ITPRID1: variants seen among roughly 807,000 people sequenced by gnomAD.
The protein encoded by ITPRID1 is ITPR interacting domain containing 1.
In ITPRID1, 96 loss-of-function variants were observed where a neutral mutation model predicts 95.4. The observed-to-expected ratio is 1.01, with a 90% CI of 0.85 to 1.19. The LOEUF (loss-of-function observed/expected upper bound fraction) is 1.19, where lower values mean the gene tolerates loss of function less well. Among genes scored for constraint, ITPRID1 ranks in the 50% most tolerant of loss-of-function variants. The pLI is 0.00. For missense variants in ITPRID1, 1,339 were observed against 1,252.9 expected (o/e 1.07, Z -1.04); for synonymous variants, 510 against 453.6 (o/e 1.12, Z -1.58).
chr7:31,643,036 C>A lies in ITPRID1; in HGVS notation c.1666C>A (p.Pro556Thr). ...MPHAEYEVTR[P>T]TATSKYDHPL... is the part of the protein sequence containing the mutation. The stretch of plus-strand genomic sequence containing the variant: ...CCATGCTGAGTATGAGGTCACCAGA[C>A]CCACAGCCACTTCCAAATATGATCA... The change falls in exon 12 of 15, where the codon CCC (proline) becomes ACC (threonine). Residue 556 changes from proline (P) to threonine (T), a missense_variant. Pro to Thr is a conservative substitution (Grantham distance 38, BLOSUM62 -1). Coordinates refer to ENST00000615280, the MANE Select transcript of ITPRID1 (RefSeq NM_001257967.3). 6.2e-7 allele frequency: 1 copy of A among 1,614,012 alleles called. No homozygotes were observed.
intron 13 of ITPRID1, 71 bp from the exon 14 acceptor site, chr7:31,651,868 T>C (rs937396838): frequency 9.8e-5 from 102 of 1,036,622 alleles, no homozygotes; most frequent in Middle Eastern, 5.3e-4. Flanking sequence ...ACCTATATTA[T>C]GAGGTGACAA....
chr7:31,518,740 A>T (rs1056824632), intron 1 of ITPRID1, among the ~76,000 whole-genome samples: 1 of 152,188 alleles, frequency 6.6e-6, no homozygotes, highest in African/African-American at 2.4e-5. Flanking sequence ...TTATCCTTGT[A>T]TTTTATTCTT....
chr7:31,546,907 G>A (rs1386574338), intron 1 of ITPRID1, among the ~76,000 whole-genome samples: 1 of 152,060 alleles, frequency 6.6e-6, no homozygotes, highest in Admixed American at 6.6e-5. Context: ...TAGGATTGAG[G>A]TATAGATCAC....
chr7:31,535,631 CT>C (rs1783734423), intron 1 of ITPRID1, among the ~76,000 whole-genome samples: 1 of 151,952 alleles, frequency 6.6e-6, no homozygotes, highest in African/African-American at 2.4e-5. Context: ...TTTAAAAGCA[CT>C]TTCTTTTGTA....
chr7:31,584,745 G>A (rs1785525853), intron 10 of ITPRID1, among the ~76,000 whole-genome samples: 1 of 152,128 alleles, frequency 6.6e-6, no homozygotes, highest in African/African-American at 2.4e-5. Context: ...TTCAATTAAT[G>A]GGAAAAGGAA....
intron 3 of ITPRID1, 38 bp downstream of exon 3, chr7:31,553,225 C>T (rs1227647340): frequency 6.6e-7 from 1 of 1,526,170 alleles, no homozygotes; most frequent in South Asian, 1.2e-5. Context: ...AAACATTCCT[C>T]TGTGAGTGGT....
chr7:31,623,491 C>A (rs1338875420), intron 10 of ITPRID1, among the ~76,000 whole-genome samples: 2 of 150,936 alleles, frequency 1.3e-5, no homozygotes, highest in Non-Finnish European at 1.5e-5. Flanking sequence ...TAAACAGAAC[C>A]AAAGACAAAA....
At chr7:31,601,992 A>G (rs1418759901) in intron 10 of ITPRID1, among the ~76,000 whole-genome samples, 2 of 151,824 alleles carry the variant, frequency 1.3e-5, no homozygotes, top group Admixed American at 6.6e-5. Context: ...ATATTTCTCC[A>G]TAATGTAGTC....
At chr7:31,648,673 C>T (rs1389877138) in intron 12 of ITPRID1, among the ~76,000 whole-genome samples, 1 of 152,190 alleles carries the variant, frequency 6.6e-6, no homozygotes, top group Non-Finnish European at 1.5e-5. Context: ...CACTACACTT[C>T]CATGATCCTG....
rs757847025 is a variant in ITPRID1 at position 31,652,606 on chromosome 7, C to T, written c.2912C>T (p.Ser971Leu). Reference protein sequence around the residue: ...NWIEESNGQTSCSKIHPGMAP... With the variant: ...NWIEESNGQTLCSKIHPGMAP... ...ATAGAAGAAAGCAATGGGCAGACTT[C>T]ATGTTCTAAAATCCACCCAGGCATG... The change falls in exon 15 of 15, where the codon TCA becomes TTA. Residue 971 changes from serine (S) to leucine (L), a missense_variant. Ser to Leu is a moderately radical substitution (Grantham distance 145). Transcript: ENST00000615280. 2 of 1,613,378 alleles carry T rather than the reference C, an allele frequency of 1.2e-6. No individual in the cohort carries two copies. Among genetic ancestry groups the T allele is most frequent in the Non-Finnish European group, 1.7e-6 (2 of 1,179,666 alleles).
At chr7:31,657,261 T>C (rs1330279761), downstream of ITPRID1, among the ~76,000 whole-genome samples, 3 of 126,510 alleles carry the variant, frequency 2.4e-5, 1 homozygote, top group South Asian at 5.5e-4. Flanking sequence ...TCTGATTTCC[T>C]GATTTGTTAA....
At chr7:31,632,381 G>T (rs551981717) in intron 10 of ITPRID1, among the ~76,000 whole-genome samples, 66 of 152,246 alleles carry the variant, frequency 4.3e-4, no homozygotes, top group South Asian at 1.7e-3. Context: ...CCGGGAGGCA[G>T]AGTTGCAATG....
intron 10 of ITPRID1, among the ~76,000 whole-genome samples, chr7:31,627,956 G>A (rs1788627575): frequency 6.6e-6 from 1 of 152,146 alleles, no homozygotes; most frequent in Non-Finnish European, 1.5e-5. Flanking sequence ...TTAGAAAGGG[G>A]CTATTTACTG....
At chr7:31,615,150 G>A (rs1439638816) in intron 10 of ITPRID1, among the ~76,000 whole-genome samples, 1 of 152,050 alleles carries the variant, frequency 6.6e-6, no homozygotes. Flanking sequence ...TAGAAACAAG[G>A]GTGATCTAGG....
chr7:31,561,796 C>T (rs987616982), intron 5 of ITPRID1, among the ~76,000 whole-genome samples: 1 of 152,162 alleles, frequency 6.6e-6, no homozygotes, highest in Non-Finnish European at 1.5e-5. Context: ...CTAAGAACTA[C>T]CACCTCTGTG....
At chr7:31,521,674 CCTT>C (rs1406305307) in intron 1 of ITPRID1, among the ~76,000 whole-genome samples, 2 of 126,740 alleles carry the variant, frequency 1.6e-5, no homozygotes, top group African/African-American at 6.0e-5. Context: ...TTCCTTCCTT[CCTT>C]CCTTCCTTCC....
At chr7:31,518,796 A>G (rs551526067) in intron 1 of ITPRID1, among the ~76,000 whole-genome samples, 126 of 152,320 alleles carry the variant, frequency 8.3e-4, no homozygotes, top group Middle Eastern at 3.4e-3. Flanking sequence ...GTAAATTTGC[A>G]AGGACAAATT....
intron 2 of ITPRID1, chr7:31,551,959 A>T (rs1453468386): frequency 1.5e-5 from 6 of 407,642 alleles, no homozygotes; most frequent in Non-Finnish European, 3.0e-5. Context: ...TCACTTTGCT[A>T]TTTTAGTTTG....
At chr7:31,579,524 C>G (rs1785318207) in intron 9 of ITPRID1, among the ~76,000 whole-genome samples, 1 of 152,120 alleles carries the variant, frequency 6.6e-6, no homozygotes, top group South Asian at 2.1e-4. Context: ...GCCAGCCCTA[C>G]AGATACACTT....
Sources: allele counts gnomAD v4.1 joint callset (sites outside exome capture counted in the v4.1 genomes callset), GRCh38; gene constraint gnomAD v4.1.1; transcripts MANE v1.5; gene names NCBI Gene and HGNC (gene_info 2026-07-23, HGNC 2026-07-21).